The following MACROD2 variants were observed in gnomAD, a reference collection of about 807,000 sequenced individuals.
MACROD2 encodes the protein mono-ADP ribosylhydrolase 2.
MACROD2 carries 36 observed loss-of-function variants against 70.4 expected under a neutral mutation model. The observed-to-expected ratio is 0.51, with a 90% CI of 0.39 to 0.68. The LOEUF (loss-of-function observed/expected upper bound fraction) is 0.68. MACROD2 is among the 30% of genes least tolerant of loss of function. The pLI, the probability that MACROD2 is intolerant of heterozygous loss-of-function variation, is 0.00. For missense variants in MACROD2, 496 were observed against 538.4 expected (o/e 0.92, Z 0.78); for synonymous variants, 172 against 178.8 (o/e 0.96, Z 0.30).
intron 5 of MACROD2, among the ~76,000 whole-genome samples, chr20:15,066,631 G>A (rs1404496536): frequency 6.6e-6 from 1 of 151,776 alleles, no homozygotes; most frequent in Non-Finnish European, 1.5e-5. Flanking sequence ...TGTAACCCCA[G>A]CATTTTGGGA....
Position 14,045,036 on chromosome 20 carries a change from C to T in MACROD2, c.164-40585C>T, listed in dbSNP as rs947379584. Reference sequence around the variant, plus strand: ...GCAGCTGGTGGCCCAGGTGCTAAGCCCTTCACTGCCTGGGGCTTGCGGGCC... The same window carrying T: ...GCAGCTGGTGGCCCAGGTGCTAAGCTCTTCACTGCCTGGGGCTTGCGGGCC... On this transcript the variant is annotated intron_variant, in intron 2 of 17. Transcript: ENST00000684519. 5.3e-5 allele frequency among the ~76,000 whole-genome samples: 8 copies of T among 152,240 alleles called. No homozygotes were observed. In the East Asian group the frequency reaches 1.5e-3, roughly 29 times the overall value.
chr20:15,585,073 A>C (rs2146654876), intron 8 of MACROD2, among the ~76,000 whole-genome samples: 1 of 152,270 alleles, frequency 6.6e-6, no homozygotes, highest in Admixed American at 6.5e-5. Flanking sequence ...GCAGTGACAC[A>C]GTGGATGCAG....
chr20:15,745,321 C>CTGGT (rs2051166401), intron 8 of MACROD2, among the ~76,000 whole-genome samples: 1 of 152,094 alleles, frequency 6.6e-6, no homozygotes, highest in Non-Finnish European at 1.5e-5. Flanking sequence ...TTTTGGCAAC[C>CTGGT]TGGTGGTCCT....
At chr20:14,729,532 G>A (rs569944017) in intron 5 of MACROD2, among the ~76,000 whole-genome samples, 63 of 152,280 alleles carry the variant, frequency 4.1e-4, no homozygotes, top group Admixed American at 1.2e-3. Flanking sequence ...TAACGTCTCT[G>A]TGGGGGTAAG....
At position 14,338,797 on chromosome 20, in the gene MACROD2, A is replaced by G. The variant is rs527734055; in HGVS notation, c.272-154682A>G. On this transcript the variant is annotated intron_variant, in intron 3 of 17. Transcript: ENST00000684519. ...TTATAAATTTCTATGCCTAATTAACAGAATTATACTTGTATTTTTAATTAT... is the reference window on the plus strand; with the variant it reads ...TTATAAATTTCTATGCCTAATTAACGGAATTATACTTGTATTTTTAATTAT... Among the ~76,000 whole-genome samples, 19 of 152,330 alleles carry G rather than the reference A, an allele frequency of 1.2e-4. No individual in the cohort carries two copies. In the East Asian group the frequency reaches 3.7e-3, roughly 29 times the overall value.
At chr20:15,603,646 G>T (rs373967338) in intron 8 of MACROD2, among the ~76,000 whole-genome samples, 2 of 152,138 alleles carry the variant, frequency 1.3e-5, no homozygotes, top group East Asian at 3.8e-4. Context: ...CAGGAGCCAT[G>T]GGCTTTTTCA....
chr20:15,813,739 ACTGCACTTCAGC>A (rs1259980915), intron 8 of MACROD2, among the ~76,000 whole-genome samples: 8 of 152,192 alleles, frequency 5.3e-5, no homozygotes, highest in Non-Finnish European at 1.0e-4. Flanking sequence ...TGACTGGGCC[ACTGCACTTCAGC>A]CTGGGAGACA....
intron 8 of MACROD2, among the ~76,000 whole-genome samples, chr20:15,786,602 TAAC>T (rs891151277): frequency 2.0e-5 from 3 of 152,146 alleles, no homozygotes; most frequent in Non-Finnish European, 4.4e-5. Context: ...GAAAGTCAAA[TAAC>T]AAATTATCTC....
At chr20:15,632,024 A>C (rs1440746985) in intron 8 of MACROD2, among the ~76,000 whole-genome samples, 1 of 152,102 alleles carries the variant, frequency 6.6e-6, no homozygotes, top group Non-Finnish European at 1.5e-5. Context: ...CTGTAATCCT[A>C]GCTACTAGGG....
intron 8 of MACROD2, among the ~76,000 whole-genome samples, chr20:15,534,338 G>T (rs2146553170): frequency 6.6e-6 from 1 of 152,254 alleles, no homozygotes; most frequent in African/African-American, 2.4e-5. Context: ...ATTGCTAGAA[G>T]AAAGTAAAAC....
At chr20:15,036,334 T>TG (rs1255255372) in intron 5 of MACROD2, among the ~76,000 whole-genome samples, 2 of 152,192 alleles carry the variant, frequency 1.3e-5, no homozygotes, top group African/African-American at 4.8e-5. Context: ...TGACCATCTA[T>TG]GTCCCTTTTG....
intron 12 of MACROD2, among the ~76,000 whole-genome samples, chr20:15,951,497 C>T (rs552674222): frequency 2.0e-5 from 3 of 152,210 alleles, no homozygotes; most frequent in South Asian, 4.1e-4. Context: ...GCATTGATGG[C>T]ATTTAATGAG....
intron 7 of MACROD2, among the ~76,000 whole-genome samples, chr20:15,463,283 A>T (rs192198676): frequency 3.9e-5 from 6 of 152,312 alleles, no homozygotes; most frequent in Non-Finnish European, 8.8e-5. Context: ...AGCAAAGAGT[A>T]CTGTCATTAA....
intron 5 of MACROD2, among the ~76,000 whole-genome samples, chr20:14,766,308 T>C (rs1188669640): frequency 6.6e-6 from 1 of 152,100 alleles, no homozygotes; most frequent in Non-Finnish European, 1.5e-5. Context: ...TTATTTACTC[T>C]GGCATGGTCC....
intron 7 of MACROD2, among the ~76,000 whole-genome samples, chr20:15,436,169 A>T (rs1190711600): frequency 6.6e-6 from 1 of 151,958 alleles, no homozygotes; most frequent in Non-Finnish European, 1.5e-5. Flanking sequence ...AAATTACTTC[A>T]TATGTCCTGC....
At chr20:15,564,890 T>C (rs1248734572) in intron 8 of MACROD2, among the ~76,000 whole-genome samples, 1 of 152,194 alleles carries the variant, frequency 6.6e-6, no homozygotes, top group African/African-American at 2.4e-5. Context: ...TGTACAAGAA[T>C]ATTTTCTTAC....
At chr20:15,964,218 T>C (rs1029771182) in intron 12 of MACROD2, among the ~76,000 whole-genome samples, 6 of 152,220 alleles carry the variant, frequency 3.9e-5, no homozygotes, top group African/African-American at 1.4e-4. Flanking sequence ...AGTGACCATA[T>C]ACACTGGTGT....
chr20:15,633,568 AT>A (rs11476372), intron 8 of MACROD2, among the ~76,000 whole-genome samples: 58,131 of 149,210 alleles, frequency 0.39, 12,616 homozygotes, highest in African/African-American at 0.61. Context: ...GCATCCGTGA[AT>A]TTTTTTTTTT....
intron 3 of MACROD2, among the ~76,000 whole-genome samples, chr20:14,258,974 G>T (rs2082079971): frequency 6.6e-6 from 1 of 152,062 alleles, no homozygotes; most frequent in South Asian, 2.1e-4. Context: ...ACAGAGTCTT[G>T]CTCTGTTACC....
Sources: allele counts gnomAD v4.1 joint callset (sites outside exome capture counted in the v4.1 genomes callset), GRCh38; gene constraint gnomAD v4.1.1; transcripts MANE v1.5; gene names NCBI Gene and HGNC (gene_info 2026-07-23, HGNC 2026-07-21).